The following ELP1 variants were observed in gnomAD, a reference collection of about 807,000 sequenced individuals.
ELP1 encodes elongator complex protein 1.
In ELP1, 131 loss-of-function variants were observed where a neutral mutation model predicts 183.2. That is an observed-to-expected ratio of 0.72 (90% confidence interval 0.62 to 0.83). The LOEUF (loss-of-function observed/expected upper bound fraction) is 0.83. Ranked by LOEUF, ELP1 falls within the 40% of genes least tolerant of loss-of-function variation. ELP1 has a pLI of 0.00. For missense variants in ELP1, 1,550 were observed against 1,594.9 expected, an observed-to-expected ratio of 0.97 and a Z score of 0.48; for synonymous variants, 555 against 569.0, an observed-to-expected ratio of 0.98 and a Z score of 0.35.
chr9:108,931,465 A>C (rs1169770096), intron 1 of ELP1, among the ~76,000 whole-genome samples: 2 of 152,238 alleles, frequency 1.3e-5, no homozygotes, highest in East Asian at 3.8e-4. Context: ...TGTTTTCTTC[A>C]AAAAAGATGT....
Position 108,919,273 on chromosome 9 carries a change from C to T in ELP1, c.629G>A (p.Ser210Asn), listed in dbSNP as rs1829557496. The change falls in exon 7 of 37, where the codon AGT (serine) becomes AAT (asparagine). Residue 210 changes from serine to asparagine, a missense_variant. By Grantham distance (46) the Ser-to-Asn change is conservative. Coordinates refer to ENST00000374647, the MANE Select transcript of ELP1 (RefSeq NM_003640.5). Reference sequence around the variant, plus strand: ...CATACCTGTTTCTGGGCAAACAACACTCACAGCAAAAAACTGTCCATCCCC... The same window carrying T: ...CATACCTGTTTCTGGGCAAACAACATTCACAGCAAAAAACTGTCCATCCCC... ...WRGDGQFFAV[S>N]VVCPETGARK... The T allele has an allele frequency of 6.2e-7, 1 of 1,613,330 alleles. No homozygotes were observed. Among genetic ancestry groups the T allele is most frequent in the African/African-American group, 1.3e-5 (1 of 74,850 alleles).
intron 11 of ELP1, among the ~76,000 whole-genome samples, chr9:108,911,464 A>G (rs912309890): frequency 6.6e-6 from 1 of 152,182 alleles, no homozygotes; most frequent in African/African-American, 2.4e-5. Flanking sequence ...TCAGACCTCT[A>G]GCTTTAAACC....
Position 108,879,574 on chromosome 9 carries a change from A to C in ELP1, c.3461-17T>G. 1.9e-6 allele frequency: 3 copies of C among 1,582,176 alleles called. No individual in the cohort carries two copies. Among genetic ancestry groups the C allele is most frequent in the Non-Finnish European group, 2.6e-6 (3 of 1,151,266 alleles). ...CCTCATCATCTAGAAAAGAAGAACC[A>C]GAAGCCGATGAAAACACTGCCTGCT... is the stretch of plus-strand genomic sequence containing the variant. On this transcript the variant is annotated splice_polypyrimidine_tract_variant and intron_variant, in intron 32 of 36. Coordinates refer to ENST00000374647, the MANE Select transcript of ELP1 (RefSeq NM_003640.5).
intron 3 of ELP1, among the ~76,000 whole-genome samples, chr9:108,928,240 G>T (rs1829881496): frequency 6.6e-6 from 1 of 152,068 alleles, no homozygotes; most frequent in African/African-American, 2.4e-5. Flanking sequence ...TTCAGTAATG[G>T]ATATCAAGAG....
intron 12 of ELP1, among the ~76,000 whole-genome samples, chr9:108,910,101 T>C (rs2132011307): frequency 6.6e-6 from 1 of 152,320 alleles, no homozygotes; most frequent in African/African-American, 2.4e-5. Flanking sequence ...ATCATACAGT[T>C]AAGTCCCACA....
intron 14 of ELP1, among the ~76,000 whole-genome samples, chr9:108,904,215 T>G (rs138873777): frequency 1.3e-5 from 2 of 152,100 alleles, no homozygotes; most frequent in Non-Finnish European, 2.9e-5. Flanking sequence ...ATTTTTTCCC[T>G]GAGTCAATGG....
intron 36 of ELP1, among the ~76,000 whole-genome samples, chr9:108,872,819 A>G (rs1415623048): frequency 9.2e-4 from 64 of 69,918 alleles, no homozygotes; most frequent in African/African-American, 1.8e-3. Flanking sequence ...AAAAAAAAAA[A>G]AAAAAAAAAA....
In ELP1 at chr9:108,897,140, A is replaced by G. The variant is rs189797561; in HGVS notation, c.2501+8T>C. 7.4e-6 allele frequency: 12 copies of G among 1,614,220 alleles called. No homozygotes were observed. Among genetic ancestry groups the G allele is most frequent in the Non-Finnish European group, 1.0e-5 (12 of 1,180,038 alleles). ...TCAAAGGATGCCACCTGGTGACAGC[A>G]TACATACTTATGAGGATTTATGCTC... On this transcript the variant is annotated splice_region_variant and intron_variant, in intron 23 of 36. Transcript: ENST00000374647.
At chr9:108,926,681 G>A in intron 4 of ELP1, 78 bp from the exon 5 acceptor site, 1 of 997,920 alleles carries the variant, frequency 1.0e-6, no homozygotes, top group Non-Finnish European at 1.5e-6. Context: ...GGCACTGTAA[G>A]CTAAGGAGCT....
At chr9:108,891,144 A>G in intron 28 of ELP1, 59 bp downstream of exon 28, 1 of 1,546,786 alleles carries the variant, frequency 6.5e-7, no homozygotes, top group Non-Finnish European at 8.9e-7. Context: ...ATTACCAAAC[A>G]AAAGAAATAA....
intron 36 of ELP1, among the ~76,000 whole-genome samples, chr9:108,873,703 G>A (rs900421556): frequency 1.6e-4 from 25 of 152,126 alleles, no homozygotes; most frequent in Admixed American, 1.4e-3. Flanking sequence ...ATGGCCTCAG[G>A]TCTAATGTAA....
At chr9:108,894,988 C>T (rs1828484039) in intron 25 of ELP1, among the ~76,000 whole-genome samples, 2 of 152,116 alleles carry the variant, frequency 1.3e-5, no homozygotes, top group Non-Finnish European at 2.9e-5. Flanking sequence ...TAATTAAGTG[C>T]TCATTCCCAG....
At chr9:108,895,533 G>C (rs1044135913) in intron 25 of ELP1, among the ~76,000 whole-genome samples, 2 of 152,018 alleles carry the variant, frequency 1.3e-5, no homozygotes, top group African/African-American at 4.8e-5. Context: ...TTCCTCCATG[G>C]GCAGAGGAAA....
chr9:108,929,647 A>G, intron 3 of ELP1, 122 bp downstream of exon 3: 1 of 965,532 alleles, frequency 1.0e-6, no homozygotes, highest in Middle Eastern at 3.1e-4. Context: ...GAAATATATA[A>G]TGCAAAAATT....
In ELP1 at chr9:108,911,243, C is replaced by T. The variant is rs1829213100; in HGVS notation, c.1190-63G>A. On this transcript the variant is annotated intron_variant, in intron 11 of 36. Coordinates refer to ENST00000374647, the MANE Select transcript of ELP1 (RefSeq NM_003640.5). ...ATATTCAATTTGTAAGATAAGCCAT[C>T]TGAACATCACAGTATATCTAAACAA... 6 of 1,445,042 alleles carry T rather than the reference C, an allele frequency of 4.2e-6. No homozygotes were observed. The Admixed American group carries it at 7.2e-5, about 17-fold the overall frequency. 89.5% of individuals were successfully genotyped at this position (1,445,042 alleles called of 1,614,324 possible).
rs1235352918 is a variant in ELP1 at position 108,869,139 on chromosome 9, C to T, written c.3975G>A (p.Gln1325=). 6.2e-7 allele frequency: 1 copy of T among 1,614,172 alleles called. No individual in the cohort carries two copies. The highest frequency in any genetic ancestry group is 1.7e-5 in the Admixed American group (1 of 60,024). Residue 1325 remains glutamine, a synonymous_variant, in exon 37 of 37, where the codon CAG becomes CAA. Transcript: ENST00000374647. ...CTCAGTCTAGCAGGCTCAGCTTCCA[C>T]TGGGTTCTTCTGTTGATCTTTGGTG... The part of the protein sequence containing the change: ...FIPPKINRRT[Q]WKLSLLD
In ELP1 at chr9:108,898,474, A is replaced by G. The variant is rs776456746; in HGVS notation, c.2363+28T>C. On this transcript the variant is annotated intron_variant, in intron 22 of 36. Transcript: ENST00000374647. ...AAGAAGAGAGAAAACTATGGAAAAG[A>G]TACACATGAATTATTCAAAATACTT... 31 of 1,313,978 alleles carry G rather than the reference A, an allele frequency of 2.4e-5. No homozygotes were observed. The Admixed American group carries it at 5.5e-4, about 23-fold the overall frequency. 81.4% of individuals were successfully genotyped at this position (1,313,978 alleles called of 1,614,324 possible). A position where few individuals can be genotyped will look rare whatever the true frequency, so the allele number is the denominator to read the frequency against.
rs1827785820 is a variant in ELP1 at position 108,878,484 on chromosome 9, T to C, written c.3700+139A>G. The C allele has an allele frequency of 8.0e-6, 9 of 1,122,302 alleles. No homozygotes were observed. In the South Asian group the frequency reaches 1.1e-4, roughly 14 times the overall value. The allele number at this position is 1,122,302 out of a possible 1,614,324, so 69.5% of individuals were successfully genotyped here. ...GCTGCTTCAGGAATGTGTGCAGACA[T>C]GACCCTTCCTGCTAAAAGTTCTCAT... On this transcript the variant is annotated intron_variant, in intron 34 of 36. Transcript: ENST00000374647.
At position 108,893,117 on chromosome 9, in the gene ELP1, A is replaced by G. The variant is rs1406153729; in HGVS notation, c.2861-34T>C. The G allele has an allele frequency of 2.1e-6, 3 of 1,442,890 alleles. No individual in the cohort carries two copies. In the Admixed American group the frequency reaches 5.0e-5, roughly 24 times the overall value. The allele number at this position is 1,442,890 out of a possible 1,614,324, so 89.4% of individuals were successfully genotyped here. A position where few individuals can be genotyped will look rare whatever the true frequency, so the allele number is the denominator to read the frequency against. ...AAAAGATTCACACAAAGACAGGCTT[A>G]AGACATGGGAAGCATAATGGACTTC... On this transcript the variant is annotated intron_variant, in intron 26 of 36. Coordinates refer to ENST00000374647, the MANE Select transcript of ELP1 (RefSeq NM_003640.5).
Sources: allele counts gnomAD v4.1 joint callset (sites outside exome capture counted in the v4.1 genomes callset), GRCh38; gene constraint gnomAD v4.1.1; transcripts MANE v1.5; gene names NCBI Gene and HGNC (gene_info 2026-07-23, HGNC 2026-07-21).